MIA2: variants seen among roughly 807,000 people sequenced by gnomAD.
MIA2 encodes melanoma inhibitory activity protein 2.
A neutral mutation model predicts 167.8 loss-of-function variants in MIA2; 127 were observed. That is an observed-to-expected ratio of 0.76 (90% CI 0.66 to 0.88). The LOEUF (loss-of-function observed/expected upper bound fraction) is 0.88, where lower values mean the gene tolerates loss of function less well. Ranked by LOEUF, MIA2 falls within the 40% of genes least tolerant of loss-of-function variation. MIA2 has a pLI of 0.00. For synonymous variants in MIA2, 552 were observed against 541.9 expected (o/e 1.02, Z -0.26); for missense variants, 1,690 against 1,624.7 (o/e 1.04, Z -0.69).
At chr14:39,306,628 A>G (rs1184630021) in intron 17 of MIA2, among the ~76,000 whole-genome samples, 2 of 152,206 alleles carry the variant, frequency 1.3e-5, no homozygotes, top group Non-Finnish European at 2.9e-5. Flanking sequence ...GCCAAACCAT[A>G]TCATGAGGGT....
intron 9 of MIA2, among the ~76,000 whole-genome samples, chr14:39,286,865 C>CTGTG (rs34075444): frequency 1.3e-4 from 19 of 142,172 alleles, no homozygotes; most frequent in South Asian, 8.9e-4. Flanking sequence ...GGCTATTTTT[C>CTGTG]TGTGTGTGTG....
At chr14:39,352,060 A>G (rs2074401660), downstream of MIA2, among the ~76,000 whole-genome samples, 2 of 151,906 alleles carry the variant, frequency 1.3e-5, no homozygotes, top group Admixed American at 6.6e-5. Context: ...TGATACATTT[A>G]GTTTGCTTTA....
chr14:39,361,517 C>T (rs1031278576), intron 23 of MIA2, among the ~76,000 whole-genome samples: 1 of 151,094 alleles, frequency 6.6e-6, no homozygotes, highest in Non-Finnish European at 1.5e-5. Context: ...CGGCTCACTG[C>T]AACTTCCGCC....
At chr14:39,329,337 A>T (rs542323079) in intron 25 of MIA2, among the ~76,000 whole-genome samples, 1 of 152,340 alleles carries the variant, frequency 6.6e-6, no homozygotes, top group East Asian at 1.9e-4. Flanking sequence ...GAAGTTGCTT[A>T]TTAGCTTAAG....
intron 23 of MIA2, among the ~76,000 whole-genome samples, chr14:39,384,118 ACTTCAAAG>A (rs2075223035): frequency 6.6e-6 from 1 of 152,182 alleles, no homozygotes; most frequent in South Asian, 2.1e-4. Flanking sequence ...TCAATGCCTG[ACTTCAAAG>A]CTTCAAAGGG....
Position 39,252,900 on chromosome 14 carries a change from C to G in MIA2, c.1720C>G (p.Leu574Val). ...GATAGACAGATCTGTGGAAAATACCCTGCTAAATAGTCAGATGGTTTCAAC... is the reference window on the plus strand; with the variant it reads ...GATAGACAGATCTGTGGAAAATACCGTGCTAAATAGTCAGATGGTTTCAAC... The part of the protein sequence containing the change: ...VEIDRSVENT[L>V]LNSQMVSTDN... The change falls in exon 5 of 29, where the codon CTG becomes GTG. Residue 574 changes from leucine to valine, a missense_variant. Leu to Val is a conservative substitution (Grantham distance 32). Transcript: ENST00000640607. 6.2e-7 allele frequency: 1 copy of G among 1,613,894 alleles called. No individual in the cohort carries two copies. Among genetic ancestry groups the G allele is most frequent in the Non-Finnish European group, 8.5e-7 (1 of 1,179,920 alleles).
At chr14:39,234,872 G>T (rs1200542264) in intron 1 of MIA2, among the ~76,000 whole-genome samples, 8 of 151,834 alleles carry the variant, frequency 5.3e-5, no homozygotes, top group Non-Finnish European at 8.8e-5. Flanking sequence ...TATTGTTAAA[G>T]AACTTATTTC....
chr14:39,309,528 A>G (rs912103785), intron 18 of MIA2, among the ~76,000 whole-genome samples: 1 of 152,086 alleles, frequency 6.6e-6, no homozygotes, highest in Non-Finnish European at 1.5e-5. Flanking sequence ...ATATATTTGA[A>G]TGGCTCAGTT....
At chr14:39,293,631 A>G (rs2061019791) in intron 11 of MIA2, among the ~76,000 whole-genome samples, 1 of 152,202 alleles carries the variant, frequency 6.6e-6, no homozygotes, top group African/African-American at 2.4e-5. Context: ...TAAAAACTGA[A>G]TAATCATGTC....
At chr14:39,257,072 TAG>T (rs2054847879) in intron 6 of MIA2, among the ~76,000 whole-genome samples, 1 of 152,196 alleles carries the variant, frequency 6.6e-6, no homozygotes, top group Non-Finnish European at 1.5e-5. Context: ...TGATTTGGGT[TAG>T]AGAGTTCTGT....
chr14:39,360,734 G>T (rs1341574410), intron 23 of MIA2, among the ~76,000 whole-genome samples: 1 of 152,056 alleles, frequency 6.6e-6, no homozygotes, highest in Non-Finnish European at 1.5e-5. Context: ...TCTTTGCTTA[G>T]ACCAATGCCC....
chr14:39,341,026 G>T (rs1222093764), intron 25 of MIA2, among the ~76,000 whole-genome samples: 1 of 152,256 alleles, frequency 6.6e-6, no homozygotes, highest in East Asian at 1.9e-4. Flanking sequence ...TATTGGCTGG[G>T]CATGGTGGCT....
At chr14:39,376,055 G>GT (rs1379689930) in intron 23 of MIA2, among the ~76,000 whole-genome samples, 2 of 152,190 alleles carry the variant, frequency 1.3e-5, no homozygotes, top group Non-Finnish European at 2.9e-5. Flanking sequence ...CTGGGCTCAA[G>GT]TGATTCTCCT....
intron 23 of MIA2, chr14:39,385,324 TAAA>T: frequency 1.5e-6 from 1 of 657,432 alleles, no homozygotes; most frequent in Non-Finnish European, 2.7e-6. Flanking sequence ...AAATCCTCTT[TAAA>T]AAAAAAAGTT....
chr14:39,319,328 T>C (rs753906286), intron 23 of MIA2, 37 bp downstream of exon 23: 3 of 1,011,082 alleles, frequency 3.0e-6, no homozygotes, highest in Non-Finnish European at 4.3e-6. Context: ...TTAAAATACA[T>C]ATTTTACATA....
At chr14:39,341,446 G>T (rs1331478692) in intron 25 of MIA2, among the ~76,000 whole-genome samples, 1 of 152,168 alleles carries the variant, frequency 6.6e-6, no homozygotes. Flanking sequence ...TGAAACCCTG[G>T]AATATTAAGC....
At chr14:39,311,868 C>T (rs59310392) in intron 18 of MIA2, among the ~76,000 whole-genome samples, 4,659 of 146,562 alleles carry the variant, frequency 0.032, 262 homozygotes, top group African/African-American at 0.11. Context: ...CTAGCTCTGT[C>T]GCCCAGGCTG....
intron 6 of MIA2, chr14:39,265,599 A>C (rs1417430180): frequency 2.3e-5 from 12 of 519,214 alleles, no homozygotes; most frequent in Middle Eastern, 4.6e-4. Flanking sequence ...AAAATTGGAG[A>C]GGGACATAGA....
chr14:39,278,934 G>T (rs947990865), intron 7 of MIA2, among the ~76,000 whole-genome samples: 4 of 152,164 alleles, frequency 2.6e-5, no homozygotes, highest in African/African-American at 9.7e-5. Flanking sequence ...ACCCAGGCAG[G>T]TGGATCACCT....
Sources: allele counts gnomAD v4.1 joint callset (sites outside exome capture counted in the v4.1 genomes callset), GRCh38; gene constraint gnomAD v4.1.1; transcripts MANE v1.5; gene names NCBI Gene and HGNC (gene_info 2026-07-23, HGNC 2026-07-21).